The following SLC38A1 variants were observed in gnomAD, a reference collection of about 807,000 sequenced individuals.
The protein encoded by SLC38A1 is solute carrier family 38 member 1.
SLC38A1 carries 18 observed loss-of-function variants against 60.3 expected under a neutral mutation model. That is an observed-to-expected ratio of 0.30 (90% confidence interval 0.21 to 0.44). SLC38A1 has a LOEUF of 0.44. Ranked by LOEUF, SLC38A1 falls within the 20% of genes least tolerant of loss-of-function variation. The probability of loss-of-function intolerance (pLI) is 1.00; values close to 1 mark genes in which losing one functional copy is unlikely to be tolerated. For missense variants in SLC38A1, 448 were observed against 587.2 expected (o/e 0.76, Z 2.45); for synonymous variants, 196 against 212.1 (o/e 0.92, Z 0.66).
chr12:46,253,380 A>G (rs1021374967), intron 1 of SLC38A1, among the ~76,000 whole-genome samples: 11 of 152,204 alleles, frequency 7.2e-5, no homozygotes, highest in African/African-American at 2.7e-4. Context: ...CTGGTTGCCC[A>G]TTTTTATGGT....
intron 5 of SLC38A1, 38 bp downstream of exon 5, chr12:46,229,115 A>C: frequency 8.3e-7 from 1 of 1,202,070 alleles, no homozygotes; most frequent in East Asian, 2.4e-5. Context: ...CAAAAAGTTC[A>C]GTTTTAAAAT....
In SLC38A1 at chr12:46,207,139, A is replaced by T; in HGVS notation, c.563+16T>A. On this transcript the variant is annotated intron_variant, in intron 8 of 16. Coordinates refer to ENST00000398637, the MANE Select transcript of SLC38A1 (RefSeq NM_030674.4). ...AACATTTTAGTTATATCATAAAAAA[A>T]TGGTCTATAACTTACGAAAATGTCT... is the stretch of plus-strand genomic sequence containing the variant. 6.5e-7 allele frequency: 1 copy of T among 1,531,864 alleles called. No individual in the cohort carries two copies. The highest frequency in any genetic ancestry group is 8.9e-7 in the Non-Finnish European group (1 of 1,124,456). 94.9% of individuals were successfully genotyped at this position (1,531,864 alleles called of 1,614,324 possible). A position where few individuals can be genotyped will look rare whatever the true frequency, so the allele number is the denominator to read the frequency against.
chr12:46,231,491 A>G lies in SLC38A1; in HGVS notation c.123-1852T>C, dbSNP rs149900166. Among the ~76,000 whole-genome samples the G allele has an allele frequency of 1.8e-3, 272 of 152,362 alleles. 2 individuals are homozygous for G. Among genetic ancestry groups the G allele is most frequent in the Non-Finnish European group, 2.6e-3 (174 of 68,024 alleles). ...AGGCAAACTGCTGCATATATTAGTA[A>G]GATATGTTAAGGATGCTTTTTGGCT... On this transcript the variant is annotated intron_variant, in intron 3 of 16. Transcript: ENST00000398637.
intron 1 of SLC38A1, among the ~76,000 whole-genome samples, chr12:46,252,066 T>C (rs555043981): frequency 6.6e-6 from 1 of 152,122 alleles, no homozygotes; most frequent in South Asian, 2.1e-4. Flanking sequence ...CTATTCACAA[T>C]AGGAAACACT....
intron 5 of SLC38A1, among the ~76,000 whole-genome samples, chr12:46,224,692 T>C (rs1320300483): frequency 6.6e-6 from 1 of 152,232 alleles, no homozygotes; most frequent in Admixed American, 6.5e-5. Flanking sequence ...CAGCTGGTTT[T>C]ACAAGAGTCA....
intron 11 of SLC38A1, among the ~76,000 whole-genome samples, chr12:46,203,709 GAAAACTAA>G (rs1431771708): frequency 1.3e-5 from 2 of 152,180 alleles, no homozygotes; most frequent in Non-Finnish European, 2.9e-5. Flanking sequence ...AAAAAGAAGT[GAAAACTAA>G]CCTATCTTAT....
At chr12:46,254,631 A>G (rs1941963471) in intron 1 of SLC38A1, among the ~76,000 whole-genome samples, 1 of 152,190 alleles carries the variant, frequency 6.6e-6, no homozygotes, top group South Asian at 2.1e-4. Flanking sequence ...TATGAGGCCA[A>G]TTCCCCAAAG....
chr12:46,238,447 A>C (rs1310737751), intron 3 of SLC38A1, among the ~76,000 whole-genome samples: 2 of 152,218 alleles, frequency 1.3e-5, no homozygotes, highest in East Asian at 3.8e-4. Flanking sequence ...TGATTTCTAC[A>C]AAGATGCCTG....
At chr12:46,234,430 C>A (rs1286697337) in intron 3 of SLC38A1, among the ~76,000 whole-genome samples, 1 of 149,888 alleles carries the variant, frequency 6.7e-6, no homozygotes, top group Non-Finnish European at 1.5e-5. Flanking sequence ...CTTTGTATTT[C>A]TTTTTTTCTT....
intron 4 of SLC38A1, 65 bp downstream of exon 4, chr12:46,229,499 T>G (rs1391413605): frequency 2.4e-6 from 3 of 1,272,670 alleles, no homozygotes; most frequent in Non-Finnish European, 3.4e-6. Flanking sequence ...CTACTTGAAT[T>G]AAAAAGATTT....
intron 12 of SLC38A1, among the ~76,000 whole-genome samples, chr12:46,202,236 G>A (rs1006957985): frequency 6.6e-6 from 1 of 151,592 alleles, no homozygotes; most frequent in Non-Finnish European, 1.5e-5. Context: ...GTATACGCTT[G>A]AGAAAATTAA....
intron 12 of SLC38A1, among the ~76,000 whole-genome samples, chr12:46,201,925 G>C (rs543133088): frequency 6.6e-6 from 1 of 151,040 alleles, no homozygotes; most frequent in Non-Finnish European, 1.5e-5. Flanking sequence ...CCGCGCGGTG[G>C]CTCACGCCTA....
chr12:46,196,112 C>T (rs1361135056), intron 16 of SLC38A1: 2 of 1,526,592 alleles, frequency 1.3e-6, no homozygotes. Context: ...TCTTTATTAG[C>T]AGTGTGAGAA....
chr12:46,184,461 G>T lies in SLC38A1; in HGVS notation c.*4509C>A, dbSNP rs1472186594. ...AGTTTACACCCCCTATAAGCCTAAA[G>T]CCATTTAAATTGATAAACTGAGAGA... is the stretch of plus-strand genomic sequence containing the variant. On this transcript the variant is annotated 3_prime_UTR_variant, in exon 17 of 17. Transcript: ENST00000398637. 1 of 152,098 alleles carries T rather than the reference G, an allele frequency of 6.6e-6. No individual in the cohort carries two copies. The highest frequency in any genetic ancestry group is 2.4e-5 in the African/African-American group (1 of 41,386). The allele number at this position is 152,098 out of a possible 1,614,324, so 9.4% of individuals were successfully genotyped here.
chr12:46,242,976 G>A (rs1315580163), intron 2 of SLC38A1, among the ~76,000 whole-genome samples: 1 of 151,420 alleles, frequency 6.6e-6, no homozygotes, highest in African/African-American at 2.4e-5. Flanking sequence ...TTTAGCATTG[G>A]TGATTTTAGA....
At chr12:46,220,877 T>G (rs534361983) in intron 5 of SLC38A1, among the ~76,000 whole-genome samples, 2 of 152,284 alleles carry the variant, frequency 1.3e-5, no homozygotes, top group Admixed American at 6.5e-5. Flanking sequence ...GAGAAGACTA[T>G]TTTTTGTGAT....
intron 1 of SLC38A1, among the ~76,000 whole-genome samples, chr12:46,262,433 T>C (rs1387658819): frequency 6.6e-6 from 1 of 152,012 alleles, no homozygotes; most frequent in Non-Finnish European, 1.5e-5. Context: ...TGAGTGTATA[T>C]GAGTAGTGTG....
intron 12 of SLC38A1, among the ~76,000 whole-genome samples, chr12:46,201,442 C>T (rs558350932): frequency 6.6e-5 from 10 of 152,182 alleles, no homozygotes; most frequent in South Asian, 4.2e-4. Flanking sequence ...AAAAGAATAT[C>T]GAGTTCTCAT....
rs1291099172 is a variant in SLC38A1 at position 46,268,642 on chromosome 12, A to G, written c.-325T>C. ...TCAAGGTCTGGCTGCGGAGGCCGGG[A>G]AAATGTGGCCCCCGTCAGTAAGGGT... On this transcript the variant is annotated 5_prime_UTR_variant, in exon 1 of 17. Coordinates refer to ENST00000398637, the MANE Select transcript of SLC38A1 (RefSeq NM_030674.4). The surrounding 1 kb of genome is among the most constrained non-coding windows in gnomAD (Gnocchi z 4.4). The G allele has an allele frequency of 4.3e-6, 1 of 234,406 alleles. No homozygotes were observed. The highest frequency in any genetic ancestry group is 9.3e-6 in the Non-Finnish European group (1 of 107,090). 14.5% of individuals were successfully genotyped at this position (234,406 alleles called of 1,614,324 possible).
Sources: gnomAD v4.1 joint callset for allele counts (sites outside exome capture counted in the v4.1 genomes callset) on GRCh38, gnomAD v4.1.1 for gene constraint, Gnocchi (gnomAD v3.1) non-coding constraint, MANE v1.5 for transcripts, NCBI Gene and HGNC (gene_info 2026-07-23, HGNC 2026-07-21) for gene names.